ITGA2: variants seen among roughly 807,000 people sequenced by gnomAD.
ITGA2 encodes integrin subunit alpha 2, also known as integrin alpha-2.
A neutral mutation model predicts 146.3 loss-of-function variants in ITGA2; 101 were observed. The ratio of observed to expected loss-of-function variants is 0.69; its 90% confidence interval spans 0.59 to 0.81. The LOEUF is 0.81. Among genes scored for constraint, ITGA2 ranks in the 40% least tolerant of loss-of-function variants. The probability of loss-of-function intolerance (pLI) is 0.00; values close to 1 mark genes in which losing one functional copy is unlikely to be tolerated. For synonymous variants in ITGA2, 477 were observed against 487.1 expected, an observed-to-expected ratio of 0.98 and a Z score of 0.27; for missense variants, 1,281 against 1,402.7, an observed-to-expected ratio of 0.91 and a Z score of 1.39.
chr5:53,041,299 G>A (rs1301026563), intron 2 of ITGA2, among the ~76,000 whole-genome samples: 1 of 152,050 alleles, frequency 6.6e-6, no homozygotes. Context: ...AAGTTCTGAA[G>A]GAAATGAAAC....
Position 53,083,340 on chromosome 5 carries a change from A to T in ITGA2, c.3145A>T (p.Asn1049Tyr), listed in dbSNP as rs1372413628. Residue 1049 changes from asparagine (N) to tyrosine (Y), a missense_variant and splice_region_variant, in exon 27 of 30, where the codon AAC becomes TAC. Asn to Tyr is a moderately radical substitution (Grantham distance 143). Around this residue, in one of 3 missense-constraint regions of ITGA2, gnomAD observed 475 missense variants for 530.5 expected, o/e 0.90. Coordinates refer to ENST00000296585, the MANE Select transcript of ITGA2 (RefSeq NM_002203.4). ...SENFRHTKEL[N>Y]CRTASCSNVT... Reference sequence around the variant, plus strand: ...TTTACCTTTGACTCAATACTATAAGAACTGCAGAACTGCTTCCTGTAGTAA... The same window carrying T: ...TTTACCTTTGACTCAATACTATAAGTACTGCAGAACTGCTTCCTGTAGTAA... The T allele has an allele frequency of 6.3e-7, 1 of 1,579,826 alleles. No individual in the cohort carries two copies. Among genetic ancestry groups the T allele is most frequent in the East Asian group, 2.2e-5 (1 of 44,660 alleles).
chr5:53,070,346 T>G (rs1745332914), intron 17 of ITGA2, 86 bp downstream of exon 17: 2 of 1,314,556 alleles, frequency 1.5e-6, no homozygotes, highest in South Asian at 2.4e-5. Flanking sequence ...GCTTATGAGT[T>G]AGAAAATGCT....
chr5:53,070,368 T>C (rs1745333759), intron 17 of ITGA2, 108 bp downstream of exon 17: 2 of 971,352 alleles, frequency 2.1e-6, no homozygotes, highest in African/African-American at 1.6e-5. Flanking sequence ...ACCCTTCCAA[T>C]GAATGCCTTT....
intron 1 of ITGA2, among the ~76,000 whole-genome samples, chr5:52,995,004 G>T (rs995539492): frequency 1.3e-5 from 2 of 152,230 alleles, no homozygotes; most frequent in African/African-American, 4.8e-5. Context: ...TAAAATGGAT[G>T]TAAGTGATAC....
At chr5:53,052,920 A>T (rs1255148486) in intron 7 of ITGA2, among the ~76,000 whole-genome samples, 2 of 151,850 alleles carry the variant, frequency 1.3e-5, no homozygotes, top group Non-Finnish European at 2.9e-5. Flanking sequence ...TCAGCCCTAC[A>T]CTCTCTCCCA....
In ITGA2 at chr5:53,065,939, T is replaced by C. The variant is rs776120406; in HGVS notation, c.1905T>C (p.Asp635=). The stretch of plus-strand genomic sequence containing the variant: ...ATTTAAATGGGGATTCCATCACCGA[T>C]GTGTCTATTGGTGCCTTTGGACAAG... The part of the protein sequence containing the change: ...YGDLNGDSIT[D]VSIGAFGQVV... The change falls in exon 15 of 30, where the codon GAT becomes GAC. Residue 635 remains aspartate (D), a synonymous_variant. Transcript: ENST00000296585. The C allele has an allele frequency of 1.9e-6, 3 of 1,612,026 alleles. No homozygotes were observed. The highest frequency in any genetic ancestry group is 2.5e-6 in the Non-Finnish European group (3 of 1,178,724).
At chr5:53,000,891 C>CTTTTTTTTTTTTTTTTTTTTTTTTT (rs1407616111) in intron 1 of ITGA2, among the ~76,000 whole-genome samples, 2 of 105,118 alleles carry the variant, frequency 1.9e-5, no homozygotes. Context: ...TTTTCTTTTT[C>CTTTTTTTTTTTTTTTTTTTTTTTTT]TTTTTGTTTT....
intron 20 of ITGA2, among the ~76,000 whole-genome samples, chr5:53,073,614 A>G (rs763907295): frequency 2.0e-5 from 3 of 151,894 alleles, no homozygotes; most frequent in African/African-American, 2.4e-5. Context: ...CTTTGCAACT[A>G]TGGTTGTTGC....
At chr5:53,021,992 A>G (rs1742705066) in intron 1 of ITGA2, among the ~76,000 whole-genome samples, 1 of 152,136 alleles carries the variant, frequency 6.6e-6, no homozygotes, top group South Asian at 2.1e-4. Context: ...GTATATATAG[A>G]TATGCTCAAA....
intron 1 of ITGA2, among the ~76,000 whole-genome samples, chr5:53,019,280 ATTAG>A (rs1742552068): frequency 6.6e-6 from 1 of 152,186 alleles, no homozygotes; most frequent in African/African-American, 2.4e-5. Context: ...AAATATATAA[ATTAG>A]TTACCCACGG....
intron 26 of ITGA2, among the ~76,000 whole-genome samples, chr5:53,082,228 G>C (rs894055253): frequency 6.6e-6 from 1 of 152,118 alleles, no homozygotes; most frequent in Non-Finnish European, 1.5e-5. Flanking sequence ...CATCTGGCAT[G>C]GTGCTCGGCA....
At chr5:53,044,609 C>G (rs1743980174) in intron 3 of ITGA2, among the ~76,000 whole-genome samples, 1 of 151,460 alleles carries the variant, frequency 6.6e-6, no homozygotes, top group Non-Finnish European at 1.5e-5. Flanking sequence ...TTTGATAACA[C>G]TTCAAGGATA....
In ITGA2 at chr5:53,084,292, AT is replaced by A. The variant is rs143292426; in HGVS notation, c.3258+849del. Among the ~76,000 whole-genome samples the A allele has an allele frequency of 1.3e-3, 196 of 150,596 alleles. 1 individual carries two copies. The South Asian group carries it at 0.028, about 21-fold the overall frequency. On this transcript the variant is annotated intron_variant, in intron 27 of 29. Transcript: ENST00000296585. ...TGGGGATCTTTGTAGCTCTTACTAG[AT>A]TTTTTTTTTCTTTTTAACAAATAAA...
chr5:53,052,742 A>G (rs753889909), intron 7 of ITGA2, among the ~76,000 whole-genome samples: 1 of 152,050 alleles, frequency 6.6e-6, no homozygotes, highest in Non-Finnish European at 1.5e-5. Context: ...TGACACCACA[A>G]ACTTCTCGAA....
chr5:52,999,674 G>A (rs1290434919), intron 1 of ITGA2, among the ~76,000 whole-genome samples: 1 of 152,060 alleles, frequency 6.6e-6, no homozygotes, highest in Non-Finnish European at 1.5e-5. Context: ...TAGCAAGTCA[G>A]AAAGCCTGTT....
At chr5:53,058,201 T>G in intron 10 of ITGA2, 100 bp downstream of exon 10, 1 of 862,650 alleles carries the variant, frequency 1.2e-6, no homozygotes, top group South Asian at 1.4e-5. Flanking sequence ...CATCTAGGGA[T>G]CAGCCCTTCT....
intron 1 of ITGA2, among the ~76,000 whole-genome samples, chr5:53,011,311 C>A (rs1446193473): frequency 1.3e-5 from 2 of 152,068 alleles, no homozygotes; most frequent in African/African-American, 2.4e-5. Flanking sequence ...CTTAACTTTC[C>A]CACAAAATCA....
At position 53,048,756 on chromosome 5, in the gene ITGA2, C is replaced by T. The variant is rs1450314419; in HGVS notation, c.616C>T (p.Pro206Ser). 6.2e-7 allele frequency: 1 copy of T among 1,613,658 alleles called. No homozygotes were observed. Among genetic ancestry groups the T allele is most frequent in the South Asian group, 1.1e-5 (1 of 91,038 alleles). The change falls in exon 6 of 30, where the codon CCC becomes TCC. Residue 206 changes from proline to serine, a missense_variant. By Grantham distance (74) the Pro-to-Ser change is moderately conservative. Transcript: ENST00000296585. ...EKFVQGLDIG[P>S]TKTQVGLIQY... ...ATTTGTACAAGGCCTGGATATAGGC[C>T]CCACAAAGACACAGGTATGGCTAAC...
rs1161154478 is a variant in ITGA2, at chr5:53,093,906, T to A, written c.*3307T>A. ...CTCATTTCAGCAGCAAAATAAGAAC[T>A]CCTAACTGAACAGAAATTTTTCTAC... On this transcript the variant is annotated 3_prime_UTR_variant, in exon 30 of 30. Coordinates refer to ENST00000296585, the MANE Select transcript of ITGA2 (RefSeq NM_002203.4). The A allele has an allele frequency of 2.0e-5, 3 of 152,506 alleles. No individual in the cohort carries two copies. The highest frequency in any genetic ancestry group is 2.9e-5 in the Non-Finnish European group (2 of 68,010). The allele number at this position is 152,506 out of a possible 1,614,324, so 9.4% of individuals were successfully genotyped here.
Sources: gnomAD v4.1 joint callset for allele counts (sites outside exome capture counted in the v4.1 genomes callset) on GRCh38, gnomAD v4.1.1 for gene constraint, gnomAD v4.1.1 regional missense constraint, MANE v1.5 for transcripts, NCBI Gene and HGNC (gene_info 2026-07-23, HGNC 2026-07-21) for gene names.